Variants in IL13RA1 observed in about 807,000 individuals in gnomAD.
IL13RA1 encodes the protein interleukin 13 receptor subunit alpha 1.
In IL13RA1, 14 loss-of-function variants were observed where a neutral mutation model predicts 33.8. The ratio of observed to expected loss-of-function variants is 0.41; its 90% confidence interval spans 0.27 to 0.65. The LOEUF is 0.65. Among genes scored for constraint, IL13RA1 ranks in the 30% least tolerant of loss-of-function variants. IL13RA1 has a pLI of 0.28. For missense variants in IL13RA1, 313 were observed against 327.0 expected (o/e 0.96, Z 0.33); for synonymous variants, 116 against 115.7 (o/e 1.00, Z -0.02).
intron 10 of IL13RA1, among the ~76,000 whole-genome samples, chrX:118,776,886 C>T (rs886319989): frequency 9.2e-6 from 1 of 108,769 alleles, no homozygotes; most frequent in Admixed American, 9.9e-5. Flanking sequence ...ATCCCTTGAG[C>T]CCAGGAGTTC....
intron 6 of IL13RA1, among the ~76,000 whole-genome samples, chrX:118,763,184 G>C (rs1245402490): frequency 1.8e-5 from 2 of 112,074 alleles, no homozygotes; most frequent in Non-Finnish European, 3.8e-5. Context: ...GAATTTAAAA[G>C]TTGATATTTT....
At chrX:118,801,339 C>A in the IL13RA1 span, among the ~76,000 whole-genome samples, 2 of 111,709 alleles carry the variant, frequency 1.8e-5, no homozygotes, top group African/African-American at 3.3e-5. Flanking sequence ...AATGATATGC[C>A]TTATTGTGGA....
intron 10 of IL13RA1, among the ~76,000 whole-genome samples, chrX:118,781,373 G>A: frequency 9.1e-6 from 1 of 109,932 alleles, no homozygotes; most frequent in South Asian, 3.8e-4. Context: ...TCCTTTTTGA[G>A]ATGGAGTCTC....
downstream of IL13RA1, among the ~76,000 whole-genome samples, chrX:118,799,401 G>GT (rs1365162761): frequency 8.8e-6 from 1 of 113,435 alleles, no homozygotes; most frequent in Admixed American, 9.2e-5. Flanking sequence ...GATCCACGAG[G>GT]TGAAGCCAGC....
At chrX:118,801,306 TTTCTC>T in the IL13RA1 span, among the ~76,000 whole-genome samples, 2 of 112,209 alleles carry the variant, frequency 1.8e-5, no homozygotes, top group Non-Finnish European at 3.8e-5. Flanking sequence ...CTTGGCCTCT[TTTCTC>T]TTGGTGTTTT....
intron 6 of IL13RA1, among the ~76,000 whole-genome samples, chrX:118,765,648 G>A (rs889934945): frequency 3.6e-5 from 4 of 111,968 alleles, no homozygotes; most frequent in African/African-American, 1.3e-4. Context: ...ACACATGTGC[G>A]TACATTTGTA....
At chrX:118,779,068 G>T (rs1295657355) in intron 10 of IL13RA1, among the ~76,000 whole-genome samples, 1 of 112,085 alleles carries the variant, frequency 8.9e-6, no homozygotes, top group East Asian at 2.8e-4. Context: ...GTAGAGGGTT[G>T]GCATAGGGGA....
rs2017443519 is a variant in IL13RA1 at position 118,749,206 on chromosome X, C to T, written c.368-452C>T. On this transcript the variant is annotated intron_variant, in intron 3 of 10. Transcript: ENST00000371666. Reference sequence around the variant, plus strand: ...GCTGGGAATACAGGCGTGAGCCACCCTGCCTGGCTGAATGTTTATTTTTTA... The same window carrying T: ...GCTGGGAATACAGGCGTGAGCCACCTTGCCTGGCTGAATGTTTATTTTTTA... Among the ~76,000 whole-genome samples the T allele has an allele frequency of 1.8e-5, 2 of 112,217 alleles. 1 individual carries two copies. The highest frequency in any genetic ancestry group is 9.4e-3 in the Middle Eastern group (2 of 212).
Position 118,776,530 on chromosome X carries a change from G to C in IL13RA1, c.1191+19G>C, listed in dbSNP as rs376530814. 1.9e-6 allele frequency: 1 copy of C among 538,281 alleles called. No homozygotes were observed. The highest frequency in any genetic ancestry group is 2.9e-5 in the African/African-American group (1 of 34,285). 44.4% of individuals were successfully genotyped at this position (538,281 alleles called of 1,213,427 possible). A position where few individuals can be genotyped will look rare whatever the true frequency, so the allele number is the denominator to read the frequency against. ...TACTCTGGTAAGAACAGATTTCATGGGGCTTGAAATGTTTTTTTTTTTTTT... is the reference window on the plus strand; with the variant it reads ...TACTCTGGTAAGAACAGATTTCATGCGGCTTGAAATGTTTTTTTTTTTTTT... On this transcript the variant is annotated intron_variant, in intron 10 of 10. Coordinates refer to ENST00000371666, the MANE Select transcript of IL13RA1 (RefSeq NM_001560.3).
Position 118,771,921 on chromosome X carries a change from C to T in IL13RA1, c.1010-1958C>T, listed in dbSNP as rs765523652. Among the ~76,000 whole-genome samples the T allele has an allele frequency of 2.1e-3, 237 of 111,500 alleles. 1 individual carries two copies. The highest frequency in any genetic ancestry group is 7.4e-3 in the African/African-American group (227 of 30,688). Reference sequence around the variant, plus strand: ...CCGGGAGGCGGAGGTTGCATTGAGTCGAGATCGTGCCACTGCACTCCAGCC... The same window carrying T: ...CCGGGAGGCGGAGGTTGCATTGAGTTGAGATCGTGCCACTGCACTCCAGCC... On this transcript the variant is annotated intron_variant, in intron 8 of 10. Transcript: ENST00000371666.
At chrX:118,733,151 G>A (rs1186149128) in intron 1 of IL13RA1, among the ~76,000 whole-genome samples, 1 of 111,250 alleles carries the variant, frequency 9.0e-6, no homozygotes, top group African/African-American at 3.3e-5. Context: ...ACTTCTTTTG[G>A]GTATATACCC....
rs367546721 is a variant in IL13RA1 at position 118,744,541 on chromosome X, A to G, written c.229-2413A>G. Among the ~76,000 whole-genome samples the G allele has an allele frequency of 3.8e-4, 42 of 111,365 alleles. 1 individual carries two copies. The East Asian group carries it at 9.1e-3, about 24-fold the overall frequency. ...TAGCCTGCCAAATAGCTGGAACTAC[A>G]GGTGCATGCCACCACGACCAGCTAA... On this transcript the variant is annotated intron_variant, in intron 2 of 10. Coordinates refer to ENST00000371666, the MANE Select transcript of IL13RA1 (RefSeq NM_001560.3).
intron 4 of IL13RA1, among the ~76,000 whole-genome samples, chrX:118,754,298 A>G (rs2017501527): frequency 9.0e-6 from 1 of 111,541 alleles, no homozygotes; most frequent in African/African-American, 3.3e-5. Flanking sequence ...TAGAGCCATG[A>G]CTAGCTGCTA....
At chrX:118,780,427 G>A (rs754273706) in intron 10 of IL13RA1, among the ~76,000 whole-genome samples, 17 of 112,818 alleles carry the variant, frequency 1.5e-4, no homozygotes, top group East Asian at 2.8e-4. Flanking sequence ...GACTGTCACT[G>A]TGTTAAGCCA....
At chrX:118,731,734 A>T (rs2017222917) in intron 1 of IL13RA1, among the ~76,000 whole-genome samples, 3 of 112,509 alleles carry the variant, frequency 2.7e-5, no homozygotes, top group African/African-American at 9.7e-5. Flanking sequence ...GCAAGAGGTT[A>T]CTATTATTAT....
intron 1 of IL13RA1, among the ~76,000 whole-genome samples, chrX:118,731,895 C>T (rs1018336068): frequency 8.9e-5 from 10 of 111,898 alleles, no homozygotes; most frequent in Admixed American, 2.8e-4. Flanking sequence ...ACACGAAGAG[C>T]TGTTAGAGAC....
chrX:118,735,601 G>A (rs1463570926), intron 1 of IL13RA1, among the ~76,000 whole-genome samples: 6 of 111,997 alleles, frequency 5.4e-5, no homozygotes, highest in Non-Finnish European at 1.1e-4. Context: ...AGGCTGGAGT[G>A]CAGTAGCACG....
At chrX:118,797,234 C>CA (rs2018037087), downstream of IL13RA1, among the ~76,000 whole-genome samples, 1 of 112,299 alleles carries the variant, frequency 8.9e-6, no homozygotes, top group South Asian at 3.7e-4. Context: ...TTAATTTTGA[C>CA]ATCCAATAAA....
downstream of IL13RA1, among the ~76,000 whole-genome samples, chrX:118,797,286 T>G (rs1000698998): frequency 8.9e-6 from 1 of 112,284 alleles, no homozygotes; most frequent in Non-Finnish European, 1.9e-5. Context: ...AAAATACCTC[T>G]TATTCACTAC....
Sources: gnomAD v4.1 joint callset for allele counts (sites outside exome capture counted in the v4.1 genomes callset) on GRCh38, gnomAD v4.1.1 for gene constraint, MANE v1.5 for transcripts, NCBI Gene and HGNC (gene_info 2026-07-23, HGNC 2026-07-21) for gene names.